LRGUK: variants seen among roughly 807,000 people sequenced by gnomAD.
The protein encoded by LRGUK is leucine rich repeats and guanylate kinase domain containing, also known as leucine-rich repeat and guanylate kinase domain-containing protein.
Under a neutral mutation model 76.0 loss-of-function variants are expected in LRGUK, and 65 were observed. That is an observed-to-expected ratio of 0.85 (90% CI 0.70 to 1.05). The LOEUF (loss-of-function observed/expected upper bound fraction) is 1.05, where lower values mean the gene tolerates loss of function less well. LRGUK is among the 50% of genes least tolerant of loss of function. The pLI is 0.00. For missense variants in LRGUK, 758 were observed against 732.8 expected (o/e 1.03, Z -0.40); for synonymous variants, 268 against 265.6 (o/e 1.01, Z -0.09).
intron 7 of LRGUK, 74 bp downstream of exon 7, chr7:134,163,614 T>C: frequency 7.4e-7 from 1 of 1,350,632 alleles, no homozygotes; most frequent in Non-Finnish European, 9.7e-7. Flanking sequence ...GCACACACCC[T>C]TCATTTTTGG....
intron 3 of LRGUK, 131 bp from the exon 4 acceptor site, chr7:134,142,931 T>C (rs1797827337): frequency 1.8e-6 from 1 of 569,518 alleles, no homozygotes; most frequent in South Asian, 2.4e-5. Flanking sequence ...CTTTCACTCA[T>C]ATGGAATAAT....
chr7:134,258,046 G>A (rs964940907), intron 18 of LRGUK, among the ~76,000 whole-genome samples: 11 of 152,124 alleles, frequency 7.2e-5, no homozygotes, highest in Non-Finnish European at 1.6e-4. Flanking sequence ...TTATGCTAAT[G>A]TGTACAGTAC....
chr7:134,187,969 T>C (rs1407093552), intron 11 of LRGUK, among the ~76,000 whole-genome samples: 1 of 152,214 alleles, frequency 6.6e-6, no homozygotes, highest in Admixed American at 6.5e-5. Flanking sequence ...TTTAGTTACA[T>C]GAGATGATAT....
intron 1 of LRGUK, among the ~76,000 whole-genome samples, chr7:134,128,170 A>G (rs986273361): frequency 3.3e-5 from 5 of 152,170 alleles, no homozygotes; most frequent in Admixed American, 3.3e-4. Flanking sequence ...AGTGACTTAA[A>G]AGTTGAATAC....
At chr7:134,132,551 T>G (rs192663913) in intron 1 of LRGUK, among the ~76,000 whole-genome samples, 1 of 152,200 alleles carries the variant, frequency 6.6e-6, no homozygotes, top group African/African-American at 2.4e-5. Context: ...AAAGGAGAAC[T>G]AAGGCATAAA....
chr7:134,135,613 A>T (rs1331542617), intron 1 of LRGUK, among the ~76,000 whole-genome samples: 2 of 152,194 alleles, frequency 1.3e-5, no homozygotes, highest in Non-Finnish European at 2.9e-5. Flanking sequence ...CACATCCAAA[A>T]TGGCAGGGCT....
intron 7 of LRGUK, among the ~76,000 whole-genome samples, chr7:134,163,763 T>G (rs890589338): frequency 1.3e-5 from 2 of 152,186 alleles, no homozygotes; most frequent in Admixed American, 1.3e-4. Context: ...AATTACATTG[T>G]TTTTAAGGTT....
chr7:134,255,679 A>T (rs1802561212), intron 18 of LRGUK, among the ~76,000 whole-genome samples: 1 of 152,230 alleles, frequency 6.6e-6, no homozygotes, highest in Non-Finnish European at 1.5e-5. Context: ...TTTCTAAAGA[A>T]AAATTATTAA....
exon 2 of LRGUK, chr7:134,137,067 A>C: frequency 1.9e-6 from 3 of 1,613,522 alleles, no homozygotes; most frequent in Non-Finnish European, 8.5e-7. Flanking sequence ...TGGCCAAAGC[A>C]CTCCATCACT....
chr7:134,200,065 C>T (rs1414398626), intron 14 of LRGUK, among the ~76,000 whole-genome samples: 3 of 138,084 alleles, frequency 2.2e-5, no homozygotes, highest in Non-Finnish European at 4.6e-5. Context: ...GAGTCTCGCT[C>T]TGTCACCCAG....
chr7:134,238,374 G>A (rs942243341), intron 16 of LRGUK, among the ~76,000 whole-genome samples: 1 of 152,062 alleles, frequency 6.6e-6, no homozygotes, highest in African/African-American at 2.4e-5. Context: ...TGTATGTTGA[G>A]TCTTCTTTAT....
At chr7:134,205,805 G>A (rs578093432) in intron 15 of LRGUK, among the ~76,000 whole-genome samples, 11 of 152,198 alleles carry the variant, frequency 7.2e-5, no homozygotes, top group African/African-American at 9.6e-5. Flanking sequence ...ATTAGAATCC[G>A]GCTGTCTAGA....
chr7:134,187,756 C>T (rs1800035557), intron 11 of LRGUK, among the ~76,000 whole-genome samples: 1 of 152,160 alleles, frequency 6.6e-6, no homozygotes, highest in South Asian at 2.1e-4. Context: ...ATGAGGGCAA[C>T]CCAAAACAAT....
chr7:134,222,039 C>A, intron 16 of LRGUK, 121 bp downstream of exon 16: 2 of 945,576 alleles, frequency 2.1e-6, no homozygotes, highest in Non-Finnish European at 2.8e-6. Flanking sequence ...CTAGTGTCAG[C>A]TGAAGACAGG....
chr7:134,198,196 C>T (rs1800595161), intron 13 of LRGUK, among the ~76,000 whole-genome samples: 1 of 152,138 alleles, frequency 6.6e-6, no homozygotes, highest in Admixed American at 6.5e-5. Flanking sequence ...GGAATGTTTT[C>T]TTTGTTTCTA....
At chr7:134,215,580 T>C (rs2082928) in intron 15 of LRGUK, among the ~76,000 whole-genome samples, 12,877 of 152,104 alleles carry the variant, frequency 0.085, 971 homozygotes, top group East Asian at 0.39. Context: ...AAAATCTATA[T>C]GTATACGTTT....
At chr7:134,185,000 C>T (rs1005601650) in intron 11 of LRGUK, among the ~76,000 whole-genome samples, 9 of 152,164 alleles carry the variant, frequency 5.9e-5, no homozygotes, top group East Asian at 1.9e-4. Flanking sequence ...GGCACTGGAG[C>T]GTCTTTGTCT....
exon 18 of LRGUK, chr7:134,248,960 A>G: frequency 6.6e-7 from 1 of 1,512,066 alleles, no homozygotes; most frequent in Non-Finnish European, 8.9e-7. Flanking sequence ...GGGGTCCAGT[A>G]CCAGCACCTC....
the LRGUK span, among the ~76,000 whole-genome samples, chr7:134,271,238 C>A: frequency 2.0e-5 from 3 of 151,842 alleles, no homozygotes; most frequent in Admixed American, 2.0e-4. Context: ...TTACAAAGAT[C>A]TTTTTCCAGG....
Sources: gnomAD v4.1 joint callset for allele counts (sites outside exome capture counted in the v4.1 genomes callset) on GRCh38, gnomAD v4.1.1 for gene constraint, MANE v1.5 for transcripts, NCBI Gene and HGNC (gene_info 2026-07-23, HGNC 2026-07-21) for gene names.